NRXN1: variants seen among roughly 807,000 people sequenced by gnomAD.
The protein encoded by NRXN1 is neurexin 1, also known as neurexin-1.
Under a neutral mutation model 150.9 loss-of-function variants are expected in NRXN1, and 39 were observed. The observed-to-expected ratio is 0.26, with a 90% CI of 0.20 to 0.34. The LOEUF is 0.34. Among genes scored for constraint, NRXN1 ranks in the 10% least tolerant of loss-of-function variants. The pLI is 1.00. For synonymous variants in NRXN1, 924 were observed against 757.0 expected, an observed-to-expected ratio of 1.22 and a Z score of -3.62; for missense variants, 1,815 against 1,949.9, an observed-to-expected ratio of 0.93 and a Z score of 1.30.
intron 9 of NRXN1, among the ~76,000 whole-genome samples, chr2:50,542,587 A>T (rs2093415505): frequency 6.6e-6 from 1 of 152,220 alleles, no homozygotes; most frequent in South Asian, 2.1e-4. Context: ...TTTGTAAAAG[A>T]GATGGCAAAT....
chr2:50,540,522 T>C, intron 9 of NRXN1, among the ~76,000 whole-genome samples: 1 of 152,330 alleles, frequency 6.6e-6, no homozygotes, highest in Middle Eastern at 3.4e-3. Flanking sequence ...AGATGGTCCC[T>C]ATCCTCTGCA....
At chr2:50,028,056 GA>G (rs1284855309) in intron 21 of NRXN1, among the ~76,000 whole-genome samples, 2 of 151,054 alleles carry the variant, frequency 1.3e-5, no homozygotes, top group African/African-American at 4.9e-5. Context: ...AGAGGCTGTG[GA>G]GAAAAAATTA....
At chr2:50,773,379 A>G (rs1233751771) in intron 5 of NRXN1, among the ~76,000 whole-genome samples, 1 of 152,212 alleles carries the variant, frequency 6.6e-6, no homozygotes, top group Non-Finnish European at 1.5e-5. Context: ...GAATATAAGA[A>G]GTTAAATGTT....
At chr2:50,097,279 T>A (rs1276896437) in intron 18 of NRXN1, among the ~76,000 whole-genome samples, 1 of 152,220 alleles carries the variant, frequency 6.6e-6, no homozygotes, top group Non-Finnish European at 1.5e-5. Context: ...GAGCCCTGTT[T>A]ACGTTCTGTA....
chr2:50,063,261 T>C (rs1304703324), intron 19 of NRXN1, among the ~76,000 whole-genome samples: 8 of 152,170 alleles, frequency 5.3e-5, no homozygotes, highest in Non-Finnish European at 1.2e-4. Context: ...CGACACCTTT[T>C]GAGAAACAAA....
chr2:49,990,648 A>G (rs1681769044), intron 21 of NRXN1, among the ~76,000 whole-genome samples: 1 of 152,136 alleles, frequency 6.6e-6, no homozygotes, highest in Non-Finnish European at 1.5e-5. Flanking sequence ...ATAACATATC[A>G]GTAAGTAATT....
intron 6 of NRXN1, among the ~76,000 whole-genome samples, 193 bp downstream of exon 6, chr2:50,623,121 C>T (rs563365906): frequency 1.3e-5 from 2 of 152,200 alleles, no homozygotes; most frequent in South Asian, 4.1e-4. Context: ...TCAAAATAGC[C>T]TTTGGGCTCC....
intron 8 of NRXN1, among the ~76,000 whole-genome samples, chr2:50,599,206 A>G (rs545812788): frequency 2.0e-5 from 3 of 152,302 alleles, no homozygotes; most frequent in South Asian, 2.1e-4. Flanking sequence ...TATTTGCCCA[A>G]GGTCACACCA....
chr2:50,092,315 T>C (rs1215259014), intron 18 of NRXN1, among the ~76,000 whole-genome samples: 2 of 152,200 alleles, frequency 1.3e-5, no homozygotes, highest in Non-Finnish European at 2.9e-5. Context: ...GAGAAACATG[T>C]GCTATGTCCT....
intron 15 of NRXN1, among the ~76,000 whole-genome samples, chr2:50,479,560 C>T (rs1471508068): frequency 6.6e-6 from 1 of 152,040 alleles, no homozygotes; most frequent in African/African-American, 2.4e-5. Context: ...CTCATTTTCA[C>T]TTAGTAAGCA....
intron 21 of NRXN1, among the ~76,000 whole-genome samples, chr2:50,041,711 G>A (rs1386310678): frequency 1.3e-5 from 2 of 152,126 alleles, no homozygotes; most frequent in Non-Finnish European, 1.5e-5. Context: ...CAATAACAAA[G>A]GTGACTGAAA....
chr2:50,716,417 G>T (rs919319088), intron 5 of NRXN1, among the ~76,000 whole-genome samples: 1 of 151,660 alleles, frequency 6.6e-6, no homozygotes, highest in East Asian at 1.9e-4. Flanking sequence ...AGTCATTGAA[G>T]AAAAAGAATA....
rs1702479150 is a variant in NRXN1 at position 50,112,315 on chromosome 2, A to G, written c.3547-20821T>C. 2.0e-5 allele frequency among the ~76,000 whole-genome samples: 3 copies of G among 152,160 alleles called. No individual in the cohort carries two copies. In the South Asian group the frequency reaches 6.2e-4, roughly 32 times the overall value. Reference sequence around the variant, plus strand: ...TTATTACCCCTGCTACTGTATCACTATGCTTAATGGAGAAGATGAAATTTA... The same window carrying G: ...TTATTACCCCTGCTACTGTATCACTGTGCTTAATGGAGAAGATGAAATTTA... On this transcript the variant is annotated intron_variant, in intron 18 of 22. Coordinates refer to ENST00000401669, the MANE Select transcript of NRXN1 (RefSeq NM_001330078.2).
chr2:50,434,621 G>C (rs375538580), intron 17 of NRXN1, among the ~76,000 whole-genome samples: 5 of 152,138 alleles, frequency 3.3e-5, no homozygotes, highest in African/African-American at 1.2e-4. Context: ...TCATCTTTAA[G>C]AGTCTATTCT....
chr2:50,398,227 C>G (rs1049287407), intron 17 of NRXN1, among the ~76,000 whole-genome samples: 1 of 152,076 alleles, frequency 6.6e-6, no homozygotes, highest in African/African-American at 2.4e-5. Context: ...TGCATTTCCA[C>G]TAAGGTCACG....
In NRXN1 at chr2:50,883,269, A is replaced by T. The variant is rs1679726205; in HGVS notation, c.832+38600T>A. ...GGCATTAAGGTGTATATACTGATCCATATAAGCTAATTTTCTCTTTGAACA... is the reference window on the plus strand; with the variant it reads ...GGCATTAAGGTGTATATACTGATCCTTATAAGCTAATTTTCTCTTTGAACA... On this transcript the variant is annotated intron_variant, in intron 5 of 22. Transcript: ENST00000401669. Among the ~76,000 whole-genome samples the T allele has an allele frequency of 2.0e-5, 3 of 151,958 alleles. No individual in the cohort carries two copies. In the South Asian group the frequency reaches 6.2e-4, roughly 32 times the overall value.
intron 19 of NRXN1, among the ~76,000 whole-genome samples, chr2:50,089,555 G>C (rs144834856): frequency 1.3e-5 from 2 of 152,130 alleles, no homozygotes; most frequent in Non-Finnish European, 2.9e-5. Flanking sequence ...GGGAGGCCGA[G>C]GCAGGAAGAT....
intron 5 of NRXN1, among the ~76,000 whole-genome samples, chr2:50,704,923 A>C (rs1694224491): frequency 6.6e-6 from 1 of 151,998 alleles, no homozygotes; most frequent in Non-Finnish European, 1.5e-5. Context: ...ATAAGGCAGG[A>C]ATTATTATTG....
intron 8 of NRXN1, among the ~76,000 whole-genome samples, chr2:50,573,478 T>C (rs1670956820): frequency 6.6e-6 from 1 of 152,130 alleles, no homozygotes; most frequent in African/African-American, 2.4e-5. Flanking sequence ...TGGTAACTTT[T>C]AAATTAATTT....
Sources: gnomAD v4.1 joint callset for allele counts (sites outside exome capture counted in the v4.1 genomes callset) on GRCh38, gnomAD v4.1.1 for gene constraint, MANE v1.5 for transcripts, NCBI Gene and HGNC (gene_info 2026-07-23, HGNC 2026-07-21) for gene names.